OPCML: variants seen among roughly 807,000 people sequenced by gnomAD.
OPCML encodes the protein opioid binding protein/cell adhesion molecule like.
A neutral mutation model predicts 37.8 loss-of-function variants in OPCML; 13 were observed. The observed-to-expected ratio is 0.34, with a 90% CI of 0.22 to 0.55. OPCML has a LOEUF of 0.55. Ranked by LOEUF, OPCML falls within the 20% of genes least tolerant of loss-of-function variation. The probability of loss-of-function intolerance (pLI) is 0.91; values close to 1 mark genes in which losing one functional copy is unlikely to be tolerated. For synonymous variants in OPCML, 176 were observed against 168.8 expected (o/e 1.04, Z -0.33); for missense variants, 341 against 435.6 (o/e 0.78, Z 1.93).
intron 1 of OPCML, among the ~76,000 whole-genome samples, chr11:133,458,259 C>CGT (rs1370171549): frequency 1.3e-5 from 1 of 74,844 alleles, no homozygotes; most frequent in Non-Finnish European, 2.2e-5. Flanking sequence ...TATATATACA[C>CGT]GTGTGTGTAT....
At chr11:132,816,284 A>G (rs937446746) in intron 2 of OPCML, among the ~76,000 whole-genome samples, 1 of 152,166 alleles carries the variant, frequency 6.6e-6, no homozygotes, top group African/African-American at 2.4e-5. Flanking sequence ...AAAGGGCCAG[A>G]TAATAAATCC....
chr11:133,263,811 T>G lies in OPCML; in HGVS notation c.61+268453A>C, dbSNP rs372567900. On this transcript the variant is annotated intron_variant, in intron 1 of 7. Coordinates refer to ENST00000524381, the MANE Select transcript of OPCML (RefSeq NM_001012393.5). ...GAGCTAGAAAAAAATAACGGCATACTTCTTTTCATTCCCCACTCCAAAAAT... is the reference window on the plus strand; with the variant it reads ...GAGCTAGAAAAAAATAACGGCATACGTCTTTTCATTCCCCACTCCAAAAAT... Among the ~76,000 whole-genome samples, 6 of 152,288 alleles carry G rather than the reference T, an allele frequency of 3.9e-5. No homozygotes were observed. The East Asian group carries it at 1.2e-3, about 29-fold the overall frequency.
intron 1 of OPCML, among the ~76,000 whole-genome samples, chr11:133,021,347 C>T (rs980881544): frequency 3.3e-5 from 5 of 152,130 alleles, no homozygotes; most frequent in African/African-American, 9.7e-5. Context: ...CCACCTCAAA[C>T]GTCAAGTGGA....
intron 3 of OPCML, among the ~76,000 whole-genome samples, chr11:132,611,184 T>C (rs1398409917): frequency 2.6e-5 from 4 of 152,206 alleles, no homozygotes; most frequent in Non-Finnish European, 5.9e-5. Context: ...TTTCTAACGA[T>C]GTTGTATGTT....
intron 1 of OPCML, among the ~76,000 whole-genome samples, chr11:133,053,716 G>T (rs193040127): frequency 6.6e-5 from 10 of 152,162 alleles, no homozygotes; most frequent in Non-Finnish European, 1.5e-4. Context: ...TCTCAGTCTT[G>T]GCTGGTTGTT....
intron 4 of OPCML, among the ~76,000 whole-genome samples, chr11:132,441,448 G>A (rs920270024): frequency 3.0e-4 from 45 of 152,178 alleles, no homozygotes; most frequent in African/African-American, 1.1e-3. Flanking sequence ...GATTACAGGC[G>A]TGAGCCACCG....
chr11:133,121,082 C>T (rs1949413227), intron 1 of OPCML, among the ~76,000 whole-genome samples: 1 of 152,100 alleles, frequency 6.6e-6, no homozygotes, highest in Non-Finnish European at 1.5e-5. Context: ...GTCACCATGT[C>T]TGGCTAATTT....
chr11:132,971,490 C>T (rs965410017), intron 1 of OPCML, among the ~76,000 whole-genome samples: 1 of 152,218 alleles, frequency 6.6e-6, no homozygotes, highest in Admixed American at 6.5e-5. Context: ...AGCCCCACCC[C>T]ATTCTTGATT....
chr11:133,394,132 C>T (rs1945235873), intron 1 of OPCML, among the ~76,000 whole-genome samples: 1 of 152,226 alleles, frequency 6.6e-6, no homozygotes, highest in African/African-American at 2.4e-5. Flanking sequence ...TGGTCCACCC[C>T]ACATCATGCC....
intron 1 of OPCML, among the ~76,000 whole-genome samples, chr11:132,999,125 T>G (rs1946942940): frequency 6.6e-6 from 1 of 152,178 alleles, no homozygotes; most frequent in Non-Finnish European, 1.5e-5. Context: ...GTGGGACTAG[T>G]TCCTGCTCCC....
chr11:133,319,908 AT>A (rs1943290646), intron 1 of OPCML, among the ~76,000 whole-genome samples: 2 of 152,180 alleles, frequency 1.3e-5, no homozygotes, highest in African/African-American at 4.8e-5. Flanking sequence ...AAAAAACAGA[AT>A]TTTTTGGAAT....
At chr11:132,869,652 C>T (rs1942719103) in intron 2 of OPCML, among the ~76,000 whole-genome samples, 1 of 152,154 alleles carries the variant, frequency 6.6e-6, no homozygotes, top group African/African-American at 2.4e-5. Context: ...AATCTCCTGC[C>T]TTATATCATT....
intron 3 of OPCML, among the ~76,000 whole-genome samples, chr11:132,649,741 G>C (rs1941332307): frequency 6.6e-6 from 1 of 151,956 alleles, no homozygotes. Context: ...ATATATATGT[G>C]TATCTTTATA....
chr11:133,187,333 G>A (rs906317079), intron 1 of OPCML, among the ~76,000 whole-genome samples: 5 of 151,790 alleles, frequency 3.3e-5, no homozygotes, highest in Non-Finnish European at 5.9e-5. Flanking sequence ...CCTCTGCTTG[G>A]GTATCAGCTC....
At chr11:132,609,083 G>A (rs574311675) in intron 3 of OPCML, among the ~76,000 whole-genome samples, 71 of 151,668 alleles carry the variant, frequency 4.7e-4, no homozygotes, top group African/African-American at 1.6e-3. Flanking sequence ...TTAATACACC[G>A]AGAACTGACC....
intron 1 of OPCML, among the ~76,000 whole-genome samples, chr11:133,143,405 A>G (rs941757118): frequency 6.6e-6 from 1 of 152,200 alleles, no homozygotes; most frequent in African/African-American, 2.4e-5. Context: ...AATGACCAAC[A>G]TGACCTAGAA....
chr11:132,562,144 A>G (rs2096412031), intron 3 of OPCML, among the ~76,000 whole-genome samples: 1 of 152,196 alleles, frequency 6.6e-6, no homozygotes, highest in African/African-American at 2.4e-5. Flanking sequence ...AGAACAGATG[A>G]TTAGCACTCC....
intron 1 of OPCML, among the ~76,000 whole-genome samples, chr11:133,398,609 T>G (rs1169357743): frequency 7.1e-6 from 1 of 141,822 alleles, no homozygotes; most frequent in African/African-American, 2.9e-5. Context: ...ATATCTTTTT[T>G]TAAAAAAAAA....
At chr11:132,759,789 C>G (rs180909828) in intron 2 of OPCML, among the ~76,000 whole-genome samples, 2 of 152,066 alleles carry the variant, frequency 1.3e-5, no homozygotes, top group Non-Finnish European at 2.9e-5. Context: ...TTTCGTGTCT[C>G]TATTTTCTTC....
Sources: allele counts gnomAD v4.1 joint callset (sites outside exome capture counted in the v4.1 genomes callset), GRCh38; gene constraint gnomAD v4.1.1; transcripts MANE v1.5; gene names NCBI Gene and HGNC (gene_info 2026-07-23, HGNC 2026-07-21).